Variants in TMPRSS15 observed in about 807,000 individuals in gnomAD.
The protein encoded by TMPRSS15 is enteropeptidase.
Under a neutral mutation model 125.3 loss-of-function variants are expected in TMPRSS15, and 128 were observed. The ratio of observed to expected loss-of-function variants is 1.02; its 90% CI spans 0.89 to 1.18. TMPRSS15 has a LOEUF of 1.18. Ranked by LOEUF, TMPRSS15 falls within the 50% of genes most tolerant of loss-of-function variation. The probability of loss-of-function intolerance (pLI) is 0.00; values close to 1 mark genes in which losing one functional copy is unlikely to be tolerated. For missense variants in TMPRSS15, 1,283 were observed against 1,212.7 expected (o/e 1.06, Z -0.86); for synonymous variants, 446 against 423.2 (o/e 1.05, Z -0.66).
chr21:18,299,835 T>C (rs886968956), intron 18 of TMPRSS15, among the ~76,000 whole-genome samples: 2 of 152,100 alleles, frequency 1.3e-5, no homozygotes, highest in African/African-American at 4.8e-5. Context: ...TAGCCAGTAG[T>C]CTTAGGCCTG....
intron 1 of TMPRSS15, among the ~76,000 whole-genome samples, chr21:18,450,194 T>C (rs2076264667): frequency 6.6e-6 from 1 of 152,160 alleles, no homozygotes; most frequent in African/African-American, 2.4e-5. Flanking sequence ...AAAATAATCT[T>C]AACTTCATAT....
rs566065592 is a variant in TMPRSS15 at position 18,388,094 on chromosome 21, C to T, written c.345-4316G>A. 5.3e-5 allele frequency among the ~76,000 whole-genome samples: 8 copies of T among 152,204 alleles called. No individual in the cohort carries two copies. In the South Asian group the frequency reaches 1.5e-3, roughly 28 times the overall value. ...TCCTCTTCTAGGTCTCCCAAAAGAGCAACAATGTGATTTATCTAACAGACG... is the reference window on the plus strand; with the variant it reads ...TCCTCTTCTAGGTCTCCCAAAAGAGTAACAATGTGATTTATCTAACAGACG... On this transcript the variant is annotated intron_variant, in intron 3 of 24. Transcript: ENST00000284885.
chr21:18,366,185 G>A (rs1332227125), intron 6 of TMPRSS15, among the ~76,000 whole-genome samples: 1 of 152,076 alleles, frequency 6.6e-6, no homozygotes, highest in Non-Finnish European at 1.5e-5. Flanking sequence ...AATTAAATTG[G>A]AGCTAGGTGA....
chr21:18,296,936 A>G (rs777736746), intron 19 of TMPRSS15, among the ~76,000 whole-genome samples: 26 of 152,210 alleles, frequency 1.7e-4, no homozygotes, highest in Non-Finnish European at 3.1e-4. Flanking sequence ...CTTTTCATGA[A>G]AAACTGAATA....
intron 1 of TMPRSS15, among the ~76,000 whole-genome samples, chr21:18,470,348 C>T (rs1978753880): frequency 1.3e-5 from 2 of 151,846 alleles, no homozygotes; most frequent in South Asian, 4.1e-4. Context: ...TTTTAGGAGC[C>T]TCCCTGTCCT....
chr21:18,358,061 CTTA>C (rs993123660), intron 8 of TMPRSS15, among the ~76,000 whole-genome samples: 3 of 151,594 alleles, frequency 2.0e-5, no homozygotes, highest in Admixed American at 6.6e-5. Flanking sequence ...TATTCAGTTT[CTTA>C]TTATATTTTT....
At chr21:18,406,893 A>G (rs2076153329), upstream of TMPRSS15, among the ~76,000 whole-genome samples, 4 of 152,296 alleles carry the variant, frequency 2.6e-5, no homozygotes, top group South Asian at 8.3e-4. Context: ...AGTGTTCATC[A>G]ATAGGAAAAT....
intron 16 of TMPRSS15, 84 bp from the exon 17 acceptor site, chr21:18,315,340 T>C (rs1295574140): frequency 1.1e-5 from 12 of 1,137,984 alleles, no homozygotes; most frequent in Non-Finnish European, 1.5e-5. Context: ...TGCTCCCCTT[T>C]AAACATGAGT....
At position 18,354,807 on chromosome 21, in the gene TMPRSS15, G is replaced by A. The variant is rs115628048; in HGVS notation, c.881-944C>T. On this transcript the variant is annotated intron_variant, in intron 8 of 24. Transcript: ENST00000284885. Reference sequence around the variant, plus strand: ...TTAGCATTTTAGTTTGACAATCTGAGCATGGCATTAGATTCAGGCCTATAA... The same window carrying A: ...TTAGCATTTTAGTTTGACAATCTGAACATGGCATTAGATTCAGGCCTATAA... Among the ~76,000 whole-genome samples, 893 of 151,882 alleles carry A rather than the reference G, an allele frequency of 5.9e-3. 13 individuals carry two copies. Among genetic ancestry groups the A allele is most frequent in the African/African-American group, 0.02 (835 of 41,484 alleles).
chr21:18,433,881 T>C (rs895934257), intron 1 of TMPRSS15, among the ~76,000 whole-genome samples: 1 of 152,058 alleles, frequency 6.6e-6, no homozygotes, highest in Non-Finnish European at 1.5e-5. Context: ...AGTTGAAAAA[T>C]ATCTGTCCTT....
intron 1 of TMPRSS15, among the ~76,000 whole-genome samples, chr21:18,458,286 A>G (rs963804715): frequency 6.6e-6 from 1 of 152,166 alleles, no homozygotes; most frequent in African/African-American, 2.4e-5. Context: ...ACAAAGTGGT[A>G]TATTTGGGAA....
Position 18,275,252 on chromosome 21 carries a change from ATG to A in TMPRSS15, c.2847_2848del (p.Ile950TyrfsTer2). The A allele has an allele frequency of 6.2e-7, 1 of 1,614,052 alleles. No individual in the cohort carries two copies. Among genetic ancestry groups the A allele is most frequent in the Non-Finnish European group, 8.5e-7 (1 of 1,179,968 alleles). On this transcript the variant is annotated frameshift_variant, in exon 24 of 25. Transcript: ENST00000284885. LOFTEE classifies it high-confidence loss of function. The stretch of plus-strand genomic sequence containing the variant: ...GCCTGCACATATCATATTTTCAGTA[ATG>A]TTATATTCTGGCATCTGCTGTTGGC...
chr21:18,281,547 C>T (rs1357232150), intron 21 of TMPRSS15, among the ~76,000 whole-genome samples: 1 of 152,090 alleles, frequency 6.6e-6, no homozygotes, highest in East Asian at 1.9e-4. Context: ...TCCCCTCCTC[C>T]CCCGATTCTA....
chr21:18,333,454 AC>A (rs2075363663), intron 13 of TMPRSS15, among the ~76,000 whole-genome samples: 1 of 152,178 alleles, frequency 6.6e-6, no homozygotes, highest in Non-Finnish European at 1.5e-5. Flanking sequence ...GAAAATGTTT[AC>A]TTAAAATAAA....
chr21:18,431,806 C>A (rs2076216976), intron 1 of TMPRSS15, among the ~76,000 whole-genome samples: 1 of 152,094 alleles, frequency 6.6e-6, no homozygotes, highest in East Asian at 1.9e-4. Flanking sequence ...CTACTAGAGC[C>A]TTTTAGCTTT....
chr21:18,273,628 C>T (rs369976706), intron 24 of TMPRSS15, among the ~76,000 whole-genome samples: 4 of 152,124 alleles, frequency 2.6e-5, no homozygotes, highest in African/African-American at 4.8e-5. Flanking sequence ...CTGCCTAGTG[C>T]GTGAGGTGTC....
intron 17 of TMPRSS15, 44 bp downstream of exon 17, chr21:18,315,102 A>G (rs144258692): frequency 6.8e-7 from 1 of 1,468,950 alleles, no homozygotes; most frequent in South Asian, 1.1e-5. Context: ...GTCCAAATGC[A>G]GAGGCTAAAG....
At chr21:18,467,670 C>T (rs923510460) in intron 1 of TMPRSS15, among the ~76,000 whole-genome samples, 4 of 151,928 alleles carry the variant, frequency 2.6e-5, no homozygotes, top group African/African-American at 9.7e-5. Flanking sequence ...CTAAAATATA[C>T]AGATTCAATC....
chr21:18,277,055 C>T lies in TMPRSS15; in HGVS notation c.2765-1719G>A, dbSNP rs865948858. 1.5e-4 allele frequency among the ~76,000 whole-genome samples: 23 copies of T among 152,046 alleles called. 1 individual carries two copies. The highest frequency in any genetic ancestry group is 6.5e-4 in the Admixed American group (10 of 15,272). On this transcript the variant is annotated intron_variant, in intron 23 of 24. Transcript: ENST00000284885. ...TGTTGGGTTTACAGGCATGAGCCAC[C>T]GCACCCGGCCAGAAAACTGGGATTT...
Sources: gnomAD v4.1 joint callset for allele counts (sites outside exome capture counted in the v4.1 genomes callset) on GRCh38, gnomAD v4.1.1 for gene constraint, MANE v1.5 for transcripts, NCBI Gene and HGNC (gene_info 2026-07-23, HGNC 2026-07-21) for gene names.